ADCY5: variants seen among roughly 807,000 people sequenced by gnomAD.
ADCY5 encodes the protein adenylate cyclase type 5.
A neutral mutation model predicts 119.7 loss-of-function variants in ADCY5; 30 were observed. That is an observed-to-expected ratio of 0.25 (90% CI 0.19 to 0.34). The LOEUF (loss-of-function observed/expected upper bound fraction) is 0.34. Among genes scored for constraint, ADCY5 ranks in the 10% least tolerant of loss-of-function variants. The pLI is 1.00. For synonymous variants in ADCY5, 753 were observed against 762.2 expected (o/e 0.99, Z 0.20); for missense variants, 1,324 against 1,775.2 (o/e 0.75, Z 4.57).
chr3:123,323,909 G>A (rs981620733), intron 8 of ADCY5, among the ~76,000 whole-genome samples: 26 of 152,116 alleles, frequency 1.7e-4, no homozygotes, highest in African/African-American at 6.3e-4. Context: ...CTGATCATGT[G>A]GGTACAGAGT....
At chr3:123,446,785 T>A (rs1259334990) in intron 1 of ADCY5, among the ~76,000 whole-genome samples, 3 of 152,030 alleles carry the variant, frequency 2.0e-5, no homozygotes, top group Non-Finnish European at 4.4e-5. Context: ...ACCACACACA[T>A]CTCGGAGGCT....
chr3:123,430,535 C>A (rs1052949158), intron 1 of ADCY5, among the ~76,000 whole-genome samples: 6 of 152,242 alleles, frequency 3.9e-5, no homozygotes, highest in Non-Finnish European at 8.8e-5. Context: ...GGCAGCAACA[C>A]CCCGCACGGG....
chr3:123,286,579 G>T lies in ADCY5; in HGVS notation c.3657+106C>A, dbSNP rs1189535384. On this transcript the variant is annotated intron_variant, in intron 20 of 20. Transcript: ENST00000462833. The surrounding 1 kb of genome is among the most constrained non-coding windows in gnomAD (Gnocchi z 4.2). ...AGCCCCATCACCCTTGAATCTGGCT[G>T]CAGACATTCTGACTGGGAACTGTAG... is the stretch of plus-strand genomic sequence containing the variant. 7.0e-7 allele frequency: 1 copy of T among 1,435,486 alleles called. No homozygotes were observed. The highest frequency in any genetic ancestry group is 9.3e-7 in the Non-Finnish European group (1 of 1,076,298). 88.9% of individuals were successfully genotyped at this position (1,435,486 alleles called of 1,614,324 possible). A position where few individuals can be genotyped will look rare whatever the true frequency, so the allele number is the denominator to read the frequency against.
intron 1 of ADCY5, among the ~76,000 whole-genome samples, chr3:123,401,241 C>CT (rs1170225383): frequency 6.6e-6 from 1 of 152,134 alleles, no homozygotes; most frequent in East Asian, 1.9e-4. Context: ...ACGCATGGCT[C>CT]TAACATGTCC....
Position 123,296,233 on chromosome 3 carries a change from G to A in ADCY5, c.2931-17C>T. ...TGCTCAGGGCTGTGGGGAGGTGGTG[G>A]ACAGGCCTGAGACGGCCGTGGCTCC... On this transcript the variant is annotated splice_polypyrimidine_tract_variant and intron_variant, in intron 16 of 20. Coordinates refer to ENST00000462833, the MANE Select transcript of ADCY5 (RefSeq NM_183357.3). 10 of 1,612,772 alleles carry A rather than the reference G, an allele frequency of 6.2e-6. No individual in the cohort carries two copies. Among genetic ancestry groups the A allele is most frequent in the Non-Finnish European group, 8.5e-6 (10 of 1,179,536 alleles).
intron 1 of ADCY5, among the ~76,000 whole-genome samples, chr3:123,388,886 T>C (rs938500312): frequency 6.6e-6 from 1 of 151,644 alleles, no homozygotes; most frequent in South Asian, 2.1e-4. Context: ...CAGTGGGGAG[T>C]TGGAGGAGAG....
At chr3:123,306,787 G>T (rs1041844148) in intron 12 of ADCY5, among the ~76,000 whole-genome samples, 7 of 152,156 alleles carry the variant, frequency 4.6e-5, no homozygotes, top group African/African-American at 1.4e-4. Context: ...CAGATAATTT[G>T]TACGCCCATG....
chr3:123,418,531 G>A (rs1055907647), intron 1 of ADCY5, among the ~76,000 whole-genome samples: 11 of 152,162 alleles, frequency 7.2e-5, no homozygotes, highest in South Asian at 2.1e-4. Flanking sequence ...AAGCAGATAC[G>A]TGTGAAGGAA....
At chr3:123,293,546 C>G (rs1051766560) in intron 17 of ADCY5, among the ~76,000 whole-genome samples, 2 of 151,830 alleles carry the variant, frequency 1.3e-5, no homozygotes, top group African/African-American at 4.8e-5. Context: ...CATGCACACA[C>G]ACACTCTTGT....
intron 1 of ADCY5, among the ~76,000 whole-genome samples, chr3:123,436,233 C>G (rs1190679887): frequency 6.6e-6 from 1 of 151,844 alleles, no homozygotes; most frequent in Non-Finnish European, 1.5e-5. Flanking sequence ...AATAGCTGGG[C>G]ATGGTGTTGT....
At chr3:123,431,988 G>A (rs1023870859) in intron 1 of ADCY5, among the ~76,000 whole-genome samples, 4 of 152,112 alleles carry the variant, frequency 2.6e-5, no homozygotes, top group South Asian at 2.1e-4. Context: ...AGCCACTGCC[G>A]ACGTACCTGG....
At chr3:123,337,290 C>A (rs1942068500) in intron 3 of ADCY5, among the ~76,000 whole-genome samples, 1 of 152,208 alleles carries the variant, frequency 6.6e-6, no homozygotes. Flanking sequence ...TGAATGACGG[C>A]CTGGATGCGG....
intron 6 of ADCY5, among the ~76,000 whole-genome samples, chr3:123,328,030 T>C (rs1941577665): frequency 6.6e-6 from 1 of 152,184 alleles, no homozygotes; most frequent in Non-Finnish European, 1.5e-5. Flanking sequence ...GCCTCCAGTC[T>C]TGCAAACTTT....
intron 1 of ADCY5, among the ~76,000 whole-genome samples, chr3:123,423,199 GCCT>G (rs1372331764): frequency 6.6e-6 from 1 of 151,914 alleles, no homozygotes; most frequent in East Asian, 1.9e-4. Flanking sequence ...ACTCACATCC[GCCT>G]CCTCCTTACT....
At chr3:123,330,866 G>C (rs1941728303) in intron 5 of ADCY5, 23 bp downstream of exon 5, 2 of 1,599,032 alleles carry the variant, frequency 1.3e-6, no homozygotes, top group Admixed American at 1.7e-5. Context: ...GAGGGAGACG[G>C]TACCCGGGGG....
intron 1 of ADCY5, among the ~76,000 whole-genome samples, chr3:123,355,062 C>T (rs1037882440): frequency 2.6e-5 from 4 of 152,198 alleles, no homozygotes; most frequent in African/African-American, 9.6e-5. Flanking sequence ...AGGTTGTTCC[C>T]TCTCGTCACT....
intron 8 of ADCY5, among the ~76,000 whole-genome samples, chr3:123,322,811 C>A (rs1194412510): frequency 6.6e-6 from 1 of 152,192 alleles, no homozygotes; most frequent in African/African-American, 2.4e-5. Flanking sequence ...CTTTTAAAAG[C>A]TGGGTAAAAG....
At chr3:123,430,919 T>C (rs371280324) in intron 1 of ADCY5, among the ~76,000 whole-genome samples, 9 of 152,326 alleles carry the variant, frequency 5.9e-5, no homozygotes, top group East Asian at 3.9e-4. Context: ...AGAAAATAAC[T>C]GTCCACACAG....
At chr3:123,403,034 C>G (rs1417441453) in intron 1 of ADCY5, among the ~76,000 whole-genome samples, 1 of 152,138 alleles carries the variant, frequency 6.6e-6, no homozygotes. Context: ...GATGTCTTCA[C>G]CAGTGTCTCC....
Sources: gnomAD v4.1 joint callset for allele counts (sites outside exome capture counted in the v4.1 genomes callset) on GRCh38, gnomAD v4.1.1 for gene constraint, Gnocchi (gnomAD v3.1) non-coding constraint, MANE v1.5 for transcripts, NCBI Gene and HGNC (gene_info 2026-07-23, HGNC 2026-07-21) for gene names.